The following EFR3A variants were observed in gnomAD, a reference collection of about 807,000 sequenced individuals.
The protein encoded by EFR3A is EFR3 homolog A.
EFR3A carries 76 observed loss-of-function variants against 104.4 expected under a neutral mutation model. The ratio of observed to expected loss-of-function variants is 0.73; its 90% confidence interval spans 0.60 to 0.88. The LOEUF (loss-of-function observed/expected upper bound fraction) is 0.88. EFR3A is among the 40% of genes least tolerant of loss of function. EFR3A has a pLI of 0.00. For synonymous variants in EFR3A, 330 were observed against 330.0 expected (o/e 1.00, Z 0.00); for missense variants, 985 against 1,012.5 (o/e 0.97, Z 0.37).
At position 131,976,131 on chromosome 8, in the gene EFR3A, A is replaced by G; in HGVS notation, c.1264A>G (p.Ser422Gly). Residue 422 changes from serine (S) to glycine (G), a missense_variant, in exon 11 of 23, where the codon AGT (serine) becomes GGT (glycine). Transcript: ENST00000254624. ...FGTSTHTLDISQLGDLGTRRI... is the reference protein window; with the variant it reads ...FGTSTHTLDIGQLGDLGTRRI... ...AACATCTACCCATACTTTGGATATC[A>G]GTCAACTAGGGTATGTTCTCAGACT... 6.4e-7 allele frequency: 1 copy of G among 1,573,014 alleles called. No homozygotes were observed. The highest frequency in any genetic ancestry group is 1.1e-5 in the South Asian group (1 of 87,040).
intron 8 of EFR3A, among the ~76,000 whole-genome samples, chr8:131,959,934 C>T (rs887202594): frequency 1.3e-5 from 2 of 152,176 alleles, no homozygotes; most frequent in African/African-American, 4.8e-5. Flanking sequence ...TCCTGCTATC[C>T]CCTGATTCAT....
chr8:131,911,873 G>T (rs1816528574), intron 1 of EFR3A, among the ~76,000 whole-genome samples: 1 of 152,156 alleles, frequency 6.6e-6, no homozygotes, highest in Non-Finnish European at 1.5e-5. Context: ...TGTCTGGCTT[G>T]GGGTCTTGTG....
At chr8:131,932,023 A>G (rs1457923737) in intron 1 of EFR3A, among the ~76,000 whole-genome samples, 1 of 152,092 alleles carries the variant, frequency 6.6e-6, no homozygotes, top group African/African-American at 2.4e-5. Flanking sequence ...AAAATGCCAA[A>G]TTATATAAAT....
intron 8 of EFR3A, among the ~76,000 whole-genome samples, chr8:131,960,414 G>A (rs1326156054): frequency 6.6e-6 from 1 of 152,006 alleles, no homozygotes; most frequent in East Asian, 1.9e-4. Context: ...TATGGGGTGG[G>A]GCTGGAACCT....
In EFR3A at chr8:131,964,498, A is replaced by G. The variant is rs574899230; in HGVS notation, c.856-3797A>G. ...TTGCTTCAAAGAGAATAAAATACCT[A>G]GGAATCCAACTTACAGGGGATGTGA... On this transcript the variant is annotated intron_variant, in intron 8 of 22. Transcript: ENST00000254624. Among the ~76,000 whole-genome samples, 4 of 152,238 alleles carry G rather than the reference A, an allele frequency of 2.6e-5. No individual in the cohort carries two copies. The East Asian group carries it at 7.7e-4, about 29-fold the overall frequency.
chr8:132,002,482 A>G, intron 20 of EFR3A, 121 bp from the exon 21 acceptor site: 3 of 703,286 alleles, frequency 4.3e-6, no homozygotes, highest in Admixed American at 6.5e-5. Flanking sequence ...TTTTTTTCTT[A>G]TAGAAGCCCT....
At chr8:131,907,712 A>G (rs1816321838) in intron 1 of EFR3A, among the ~76,000 whole-genome samples, 1 of 152,190 alleles carries the variant, frequency 6.6e-6, no homozygotes, top group South Asian at 2.1e-4. Context: ...CTTGACCTAC[A>G]CTTTCATATT....
At chr8:131,968,175 A>C (rs1432584800) in intron 8 of EFR3A, 120 bp from the exon 9 acceptor site, 1 of 884,414 alleles carries the variant, frequency 1.1e-6, no homozygotes, top group Admixed American at 3.0e-5. Flanking sequence ...TTATTGTCTC[A>C]TAACATGACC....
intron 10 of EFR3A, among the ~76,000 whole-genome samples, chr8:131,974,101 C>G (rs573872866): frequency 6.6e-6 from 1 of 152,252 alleles, no homozygotes; most frequent in African/African-American, 2.4e-5. Flanking sequence ...GAAATTACCT[C>G]AGGATCTTAG....
intron 4 of EFR3A, among the ~76,000 whole-genome samples, chr8:131,947,962 G>A (rs1011677804): frequency 6.6e-6 from 1 of 151,324 alleles, no homozygotes; most frequent in African/African-American, 2.4e-5. Flanking sequence ...AAATAAGTTT[G>A]GGAAAGCATA....
intron 1 of EFR3A, among the ~76,000 whole-genome samples, chr8:131,928,722 T>C (rs1333740701): frequency 6.6e-6 from 1 of 152,146 alleles, no homozygotes; most frequent in Non-Finnish European, 1.5e-5. Flanking sequence ...TTAAATTACA[T>C]TATTGTAAAA....
intron 1 of EFR3A, among the ~76,000 whole-genome samples, chr8:131,927,765 C>T (rs1817373371): frequency 6.6e-6 from 1 of 151,940 alleles, no homozygotes; most frequent in African/African-American, 2.4e-5. Context: ...TGTCTCTTCA[C>T]TTACTGGAAA....
chr8:131,918,357 A>G (rs1046619469), intron 1 of EFR3A, among the ~76,000 whole-genome samples: 7 of 152,234 alleles, frequency 4.6e-5, no homozygotes, highest in Non-Finnish European at 8.8e-5. Context: ...TTGTGTTACT[A>G]TAATTTCATG....
Position 132,002,694 on chromosome 8 carries a change from G to A in EFR3A, c.2298G>A (p.Gln766=). The change falls in exon 21 of 23, where the codon CAG becomes CAA. Residue 766 remains glutamine, a synonymous_variant. Transcript: ENST00000254624. The part of the protein sequence containing the change: ...QKAPFEEIAA[Q]CESKANLLHD... ...CACCTTTTGAAGAAATAGCAGCACAGTGTGAATCCAAAGTAAGTGAAGAAA... is the reference window on the plus strand; with the variant it reads ...CACCTTTTGAAGAAATAGCAGCACAATGTGAATCCAAAGTAAGTGAAGAAA... The A allele has an allele frequency of 6.2e-7, 1 of 1,613,464 alleles. No individual in the cohort carries two copies. The highest frequency in any genetic ancestry group is 8.5e-7 in the Non-Finnish European group (1 of 1,179,504).
chr8:131,941,390 A>G (rs970160152), intron 2 of EFR3A, among the ~76,000 whole-genome samples: 1 of 152,070 alleles, frequency 6.6e-6, no homozygotes, highest in African/African-American at 2.4e-5. Context: ...TTATTTTAAA[A>G]TGTAACAAAC....
chr8:131,935,553 T>C (rs1817838006), intron 1 of EFR3A: 2 of 432,770 alleles, frequency 4.6e-6, no homozygotes, highest in Admixed American at 5.2e-5. Context: ...TTCTATTATG[T>C]TACATGTGAG....
At position 132,013,342 on chromosome 8, in the gene EFR3A, A is replaced by G. The variant is rs1358595270; in HGVS notation, c.*2447A>G. On this transcript the variant is annotated 3_prime_UTR_variant, in exon 23 of 23. Coordinates refer to ENST00000254624, the MANE Select transcript of EFR3A (RefSeq NM_015137.6). ...TACCTGAATACCTATGCGTACACAC[A>G]CACATATTTCCTTAATACTTCTGAA... The G allele has an allele frequency of 6.6e-6, 1 of 152,562 alleles. No individual in the cohort carries two copies. Among genetic ancestry groups the G allele is most frequent in the African/African-American group, 2.4e-5 (1 of 41,418 alleles). 9.5% of individuals were successfully genotyped at this position (152,562 alleles called of 1,614,324 possible).
intron 1 of EFR3A, among the ~76,000 whole-genome samples, chr8:131,938,540 A>C (rs1008428282): frequency 2.0e-5 from 3 of 152,116 alleles, no homozygotes; most frequent in African/African-American, 7.2e-5. Context: ...GTAAGTGGTC[A>C]AAAAGGTATT....
chr8:131,915,948 T>C (rs76270726), intron 1 of EFR3A, among the ~76,000 whole-genome samples: 3,187 of 152,304 alleles, frequency 0.021, 56 homozygotes, highest in Middle Eastern at 0.044. Context: ...ACAGGACATA[T>C]GGACACCAAC....
Sources: allele counts gnomAD v4.1 joint callset (sites outside exome capture counted in the v4.1 genomes callset), GRCh38; gene constraint gnomAD v4.1.1; transcripts MANE v1.5; gene names NCBI Gene and HGNC (gene_info 2026-07-23, HGNC 2026-07-21).